Variants in ZNF484 observed in about 807,000 individuals in gnomAD.
ZNF484 encodes zinc finger protein 484.
Under a neutral mutation model 12.9 loss-of-function variants are expected in ZNF484, and 11 were observed. The observed-to-expected ratio is 0.85, with a 90% CI of 0.54 to 1.41. The LOEUF (loss-of-function observed/expected upper bound fraction) is 1.41, where lower values mean the gene tolerates loss of function less well. Ranked by LOEUF, ZNF484 falls within the 40% of genes most tolerant of loss-of-function variation. The pLI is 0.00. For missense variants in ZNF484, 807 were observed against 1,007.7 expected (o/e 0.80, Z 2.70); for synonymous variants, 289 against 334.1 (o/e 0.86, Z 1.47).
Position 92,847,583 on chromosome 9 carries a change from G to A in ZNF484, c.1204C>T (p.His402Tyr), listed in dbSNP as rs1449104671. The A allele has an allele frequency of 1.2e-6, 2 of 1,614,120 alleles. No individual in the cohort carries two copies. Among genetic ancestry groups the A allele is most frequent in the Non-Finnish European group, 1.7e-6 (2 of 1,180,022 alleles). Residue 402 changes from histidine (H) to tyrosine (Y), a missense_variant, in exon 5 of 5, where the codon CAT becomes TAT. Coordinates refer to ENST00000375495, the MANE Select transcript of ZNF484 (RefSeq NM_031486.4). ...TTTTCTCCTGTATGGATTTTCTGAT[G>A]CATACTTAGTGTTGATTTCCTTGTG... Reference protein sequence around the residue: ...AFTRKSTLSMHQKIHTGEKPY... With the variant: ...AFTRKSTLSMYQKIHTGEKPY...
At chr9:92,856,375 C>CAAA in intron 2 of ZNF484, 57 bp from the exon 3 acceptor site, 5 of 1,149,026 alleles carry the variant, frequency 4.4e-6, no homozygotes, top group South Asian at 2.0e-5. Context: ...TATTTGAATT[C>CAAA]AAAAAAAAAA....
intron 4 of ZNF484, among the ~76,000 whole-genome samples, chr9:92,850,731 G>A (rs1856022107): frequency 6.6e-6 from 1 of 152,122 alleles, no homozygotes; most frequent in African/African-American, 2.4e-5. Flanking sequence ...CTACAGACAT[G>A]TGCCGCCATA....
chr9:92,875,513 CT>C (rs200213481), intron 1 of ZNF484, among the ~76,000 whole-genome samples: 2,300 of 152,288 alleles, frequency 0.015, 45 homozygotes, highest in African/African-American at 0.05. Flanking sequence ...CTTGCTGCCC[CT>C]GAGCCAGGCC....
chr9:92,847,781 C>T lies in ZNF484; in HGVS notation c.1006G>A (p.Ala336Thr), dbSNP rs187276130. ...AACAGATCTGACTTCTGGATAAAGG[C>T]TCTTCCATAGTCACTGCATTTATAG... ...NYYKCSDYGR[A>T]FIQKSDLFRC... The change falls in exon 5 of 5, where the codon GCC (alanine) becomes ACC (threonine). Residue 336 changes from alanine (A) to threonine (T), a missense_variant. Ala to Thr is a moderately conservative substitution (Grantham distance 58, BLOSUM62 0). Coordinates refer to ENST00000375495, the MANE Select transcript of ZNF484 (RefSeq NM_031486.4). The T allele has an allele frequency of 1.4e-5, 23 of 1,613,958 alleles. No individual in the cohort carries two copies. In the Middle Eastern group the frequency reaches 9.9e-4, roughly 69 times the overall value.
intron 4 of ZNF484, among the ~76,000 whole-genome samples, chr9:92,853,661 C>G (rs879525372): frequency 2.0e-5 from 3 of 152,194 alleles, no homozygotes; most frequent in African/African-American, 4.8e-5. Flanking sequence ...TCTAAATGTC[C>G]ATGATAACTT....
chr9:92,868,219 G>A (rs1857223258), intron 2 of ZNF484, among the ~76,000 whole-genome samples: 1 of 152,212 alleles, frequency 6.6e-6, no homozygotes, highest in African/African-American at 2.4e-5. Context: ...TGAGAAACAT[G>A]AGGACAATTC....
At chr9:92,861,657 C>A (rs1856787117) in intron 2 of ZNF484, among the ~76,000 whole-genome samples, 1 of 152,144 alleles carries the variant, frequency 6.6e-6, no homozygotes, top group South Asian at 2.1e-4. Flanking sequence ...TTCATCAATT[C>A]CCTCAGGCTG....
chr9:92,875,184 T>A, intron 1 of ZNF484, 125 bp from the exon 2 acceptor site: 1 of 686,234 alleles, frequency 1.5e-6, no homozygotes, highest in Non-Finnish European at 2.4e-6. Context: ...ACTACCACAT[T>A]AAAATATCAT....
chr9:92,874,313 T>TC (rs201669247), intron 2 of ZNF484, among the ~76,000 whole-genome samples: 44 of 50,500 alleles, frequency 8.7e-4, no homozygotes, highest in East Asian at 3.2e-3. Flanking sequence ...TTTCTTTCTT[T>TC]TTTTTTTTTT....
intron 2 of ZNF484, among the ~76,000 whole-genome samples, chr9:92,858,415 A>C (rs913189116): frequency 1.3e-5 from 2 of 152,188 alleles, no homozygotes; most frequent in African/African-American, 4.8e-5. Flanking sequence ...AACCTATCAG[A>C]GTCTGAGAAG....
chr9:92,868,345 A>C (rs938309504), intron 2 of ZNF484, among the ~76,000 whole-genome samples: 1 of 152,202 alleles, frequency 6.6e-6, no homozygotes, highest in South Asian at 2.1e-4. Flanking sequence ...AATGAATAGC[A>C]TGTAATCTAG....
intron 2 of ZNF484, among the ~76,000 whole-genome samples, chr9:92,869,213 T>C (rs1392095272): frequency 6.6e-6 from 1 of 152,098 alleles, no homozygotes; most frequent in Non-Finnish European, 1.5e-5. Flanking sequence ...TGAGAAGGTA[T>C]TTATATACCT....
Position 92,846,373 on chromosome 9 carries a change from TTA to T in ZNF484, c.2412_2413del (p.Tyr804Ter). On this transcript the variant is annotated stop_gained and frameshift_variant, in exon 5 of 5. Transcript: ENST00000375495. LOFTEE classifies it low-confidence loss of function (END_TRUNC). ...TAAGGCTTTCCCCAAGTCACTGCAC[TTA>T]TAGGGTTTCTGTTTAGTATGAATTT... The T allele has an allele frequency of 6.2e-7, 1 of 1,614,186 alleles. No homozygotes were observed. The highest frequency in any genetic ancestry group is 8.5e-7 in the Non-Finnish European group (1 of 1,180,012).
At chr9:92,854,905 A>AG (rs1262707759) in intron 4 of ZNF484, among the ~76,000 whole-genome samples, 5 of 152,162 alleles carry the variant, frequency 3.3e-5, no homozygotes, top group Admixed American at 1.3e-4. Context: ...AAAAAACTTG[A>AG]GTAGGATATA....
At chr9:92,856,455 A>C (rs2117947604) in intron 2 of ZNF484, 137 bp from the exon 3 acceptor site, 1 of 583,218 alleles carries the variant, frequency 1.7e-6, no homozygotes, top group East Asian at 3.0e-5. Flanking sequence ...ATGTGATACA[A>C]TATACTATAA....
Position 92,847,740 on chromosome 9 carries a change from A to C in ZNF484, c.1047T>G (p.Ile349Met), listed in dbSNP as rs1855758875. 6.2e-7 allele frequency: 1 copy of C among 1,613,708 alleles called. No homozygotes were observed. ...QKSDLFRCQR[I>M]HSGEKPYEYS... ...ACTCATAAGGTTTTTCTCCAGAATG[A>C]ATTCTCTGGCATCTGAACAGATCTG... The change falls in exon 5 of 5, where the codon ATT (isoleucine) becomes ATG (methionine). Residue 349 changes from isoleucine to methionine, a missense_variant. Physicochemically the swap from Ile to Met is conservative, Grantham distance 10. Transcript: ENST00000375495.
At chr9:92,858,875 C>T (rs974370373) in intron 2 of ZNF484, among the ~76,000 whole-genome samples, 1 of 152,114 alleles carries the variant, frequency 6.6e-6, no homozygotes, top group Non-Finnish European at 1.5e-5. Context: ...CCTGTAATCC[C>T]AGCACTTTGG....
At chr9:92,857,203 T>G (rs1856518296) in intron 2 of ZNF484, among the ~76,000 whole-genome samples, 1 of 152,194 alleles carries the variant, frequency 6.6e-6, no homozygotes, top group Admixed American at 6.5e-5. Flanking sequence ...GGAAAGCTGC[T>G]GAGGTAGCAA....
intron 2 of ZNF484, among the ~76,000 whole-genome samples, chr9:92,861,742 A>G (rs950459203): frequency 6.6e-6 from 1 of 152,234 alleles, no homozygotes; most frequent in African/African-American, 2.4e-5. Flanking sequence ...GAAGGAATGA[A>G]AAAGTAGGAC....
Sources: allele counts gnomAD v4.1 joint callset (sites outside exome capture counted in the v4.1 genomes callset), GRCh38; gene constraint gnomAD v4.1.1; transcripts MANE v1.5; gene names NCBI Gene and HGNC (gene_info 2026-07-23, HGNC 2026-07-21).